UCN3: variants seen among roughly 807,000 people sequenced by gnomAD.
UCN3 encodes urocortin 3.
UCN3 carries 3 observed loss-of-function variants against 3.6 expected under a neutral mutation model. The observed-to-expected ratio is 0.83, with a 90% CI of 0.38 to 2.15. The LOEUF is 2.15. UCN3 is among the 30% of genes most tolerant of loss of function. The pLI is 0.06. For synonymous variants in UCN3, 100 were observed against 93.2 expected (o/e 1.07, Z -0.42); for missense variants, 206 against 208.3 (o/e 0.99, Z 0.07).
rs1834106377 is a variant in UCN3 at position 5,365,400 on chromosome 10, C to A, written c.-7+170C>A. On this transcript the variant is annotated intron_variant, in intron 1 of 1. Transcript: ENST00000380433. The surrounding 1 kb of genome is among the most constrained non-coding windows in gnomAD (Gnocchi z 4.4). ...CCCCACCCAATCAGCAGAAATCAGC[C>A]CCAAAGGGACCAGGGGAAGTTTCTC... Among the ~76,000 whole-genome samples, 1 of 152,192 alleles carries A rather than the reference C, an allele frequency of 6.6e-6. No individual in the cohort carries two copies. The highest frequency in any genetic ancestry group is 1.5e-5 in the Non-Finnish European group (1 of 68,036).
In UCN3 at chr10:5,370,589, A is replaced by G. The variant is rs1202787405; in HGVS notation, c.-6-3126A>G. 6.3e-5 allele frequency among the ~76,000 whole-genome samples: 5 copies of G among 79,304 alleles called. 1 individual carries two copies. Among genetic ancestry groups the G allele is most frequent in the Non-Finnish European group, 9.6e-5 (4 of 41,534 alleles). The allele number at this position is 79,304 out of a possible 152,430, so 52.0% of individuals were successfully genotyped here. On this transcript the variant is annotated intron_variant, in intron 1 of 1. Transcript: ENST00000380433. ...TGTATATGCGTGTATATGTGTGTATATGTGTGTGTGTATGCGTGTGTATAT... is the reference window on the plus strand; with the variant it reads ...TGTATATGCGTGTATATGTGTGTATGTGTGTGTGTGTATGCGTGTGTATAT...
At chr10:5,368,965 C>T (rs1455838462) in intron 1 of UCN3, among the ~76,000 whole-genome samples, 1 of 152,138 alleles carries the variant, frequency 6.6e-6, no homozygotes, top group Non-Finnish European at 1.5e-5. Flanking sequence ...ATCAGCATCA[C>T]GTGGGACTGT....
intron 1 of UCN3, among the ~76,000 whole-genome samples, chr10:5,370,371 GTA>G (rs1338199942): frequency 2.9e-5 from 2 of 68,512 alleles, no homozygotes; most frequent in African/African-American, 8.9e-5. Context: ...ATATGCGTGT[GTA>G]TATGCGTGTA....
intron 1 of UCN3, among the ~76,000 whole-genome samples, chr10:5,368,680 C>T (rs1831288606): frequency 6.6e-6 from 1 of 152,166 alleles, no homozygotes; most frequent in African/African-American, 2.4e-5. Context: ...GCAAGCCATT[C>T]GAAATAATTT....
Position 5,367,502 on chromosome 10 carries a change from T to C in UCN3, c.-7+2272T>C, listed in dbSNP as rs575949588. ...ATTCAACAAATATTGATTGAGAATATGATTTAGTATAAGGCACTATTGGCC... is the reference window on the plus strand; with the variant it reads ...ATTCAACAAATATTGATTGAGAATACGATTTAGTATAAGGCACTATTGGCC... On this transcript the variant is annotated intron_variant, in intron 1 of 1. Coordinates refer to ENST00000380433, the MANE Select transcript of UCN3 (RefSeq NM_053049.4). The surrounding 1 kb of genome is among the most constrained non-coding windows in gnomAD (Gnocchi z 4.3). 1.3e-5 allele frequency among the ~76,000 whole-genome samples: 2 copies of C among 152,334 alleles called. No homozygotes were observed. Among genetic ancestry groups the C allele is most frequent in the African/African-American group, 4.8e-5 (2 of 41,578 alleles).
intron 1 of UCN3, among the ~76,000 whole-genome samples, chr10:5,370,201 A>G (rs150604453): frequency 0.22 from 1,421 of 6,552 alleles, 399 homozygotes; most frequent in African/African-American, 0.49. Flanking sequence ...GCGTGTGTAT[A>G]TGCGTGTGTA....
rs868919154 is a variant in UCN3, at chr10:5,370,638, T to C, written c.-6-3077T>C. On this transcript the variant is annotated intron_variant, in intron 1 of 1. Transcript: ENST00000380433. Reference sequence around the variant, plus strand: ...ATGCGTGTATATGCGTGTGTATGTGTGTGTATATGTGTGTGTATGTGTGTG... The same window carrying C: ...ATGCGTGTATATGCGTGTGTATGTGCGTGTATATGTGTGTGTATGTGTGTG... Among the ~76,000 whole-genome samples, 15 of 92,156 alleles carry C rather than the reference T, an allele frequency of 1.6e-4. 1 individual carries two copies. The highest frequency in any genetic ancestry group is 3.1e-4 in the African/African-American group (6 of 19,344). The allele number at this position is 92,156 out of a possible 152,430, so 60.5% of individuals were successfully genotyped here.
chr10:5,369,050 T>C (rs112035335), intron 1 of UCN3, among the ~76,000 whole-genome samples: 2,017 of 152,264 alleles, frequency 0.013, 41 homozygotes, highest in African/African-American at 0.041. Flanking sequence ...CCGCAGGCTG[T>C]GTTTGAACCG....
In UCN3 at chr10:5,370,920, C is replaced by CGTGTGTTTATGTGTGTGTTTATGT. The variant is rs200495765; in HGVS notation, c.-6-2789_-6-2788insTTATGTGTGTGTTTATGTGTGTGT. Among the ~76,000 whole-genome samples the CGTGTGTTTATGTGTGTGTTTATGT allele has an allele frequency of 1.9e-3, 206 of 109,914 alleles. 3 individuals are homozygous for CGTGTGTTTATGTGTGTGTTTATGT. The highest frequency in any genetic ancestry group is 2.7e-3 in the Non-Finnish European group (144 of 53,884). The allele number at this position is 109,914 out of a possible 152,430, so 72.1% of individuals were successfully genotyped here. A position where few individuals can be genotyped will look rare whatever the true frequency, so the allele number is the denominator to read the frequency against. ...GCGTGTGTATATGCGTGTGTATATGCGTGTGTATATGTGTGTTCATGTGTA... is the reference window on the plus strand; with the variant it reads ...GCGTGTGTATATGCGTGTGTATATGCGTGTGTTTATGTGTGTGTTTATGTGTGTGTATATGTGTGTTCATGTGTA... On this transcript the variant is annotated intron_variant, in intron 1 of 1. Transcript: ENST00000380433.
In UCN3 at chr10:5,374,484, T is replaced by C; in HGVS notation, c.*278T>C. ...TTCCTCCCTGTACTCAGCGTCTCCTTCCTCCCTCCCCACAGCAAGAGGCAA... is the reference window on the plus strand; with the variant it reads ...TTCCTCCCTGTACTCAGCGTCTCCTCCCTCCCTCCCCACAGCAAGAGGCAA... On this transcript the variant is annotated 3_prime_UTR_variant, in exon 2 of 2. Transcript: ENST00000380433. 1 of 352,672 alleles carries C rather than the reference T, an allele frequency of 2.8e-6. No individual in the cohort carries two copies. Among genetic ancestry groups the C allele is most frequent in the Non-Finnish European group, 5.3e-6 (1 of 189,684 alleles). The allele number at this position is 352,672 out of a possible 1,614,324, so 21.8% of individuals were successfully genotyped here.
intron 1 of UCN3, 34 bp from the exon 2 acceptor site, chr10:5,373,681 A>T (rs377187964): frequency 1.9e-6 from 3 of 1,598,544 alleles, no homozygotes; most frequent in Non-Finnish European, 2.6e-6. Context: ...CGCCCCTCCC[A>T]TGCCCCTGCC....
rs797036973 is a variant in UCN3 at position 5,370,572 on chromosome 10, C to T, written c.-6-3143C>T. On this transcript the variant is annotated intron_variant, in intron 1 of 1. Transcript: ENST00000380433. ...ATGTGTGTATATGTGTGTGTATATG[C>T]GTGTATATGTGTGTATATGTGTGTG... 3.5e-3 allele frequency among the ~76,000 whole-genome samples: 65 copies of T among 18,704 alleles called. 2 individuals carry two copies. The highest frequency in any genetic ancestry group is 0.011 in the East Asian group (4 of 360). The allele number at this position is 18,704 out of a possible 152,430, so 12.3% of individuals were successfully genotyped here.
At position 5,370,663 on chromosome 10, in the gene UCN3, GTA is replaced by G. The variant is rs1178450359; in HGVS notation, c.-6-3050_-6-3049del. Among the ~76,000 whole-genome samples the G allele has an allele frequency of 1.1e-3, 63 of 57,734 alleles. 3 individuals are homozygous for G. The highest frequency in any genetic ancestry group is 3.5e-3 in the South Asian group (4 of 1,156). The allele number at this position is 57,734 out of a possible 152,430, so 37.9% of individuals were successfully genotyped here. ...TGTGTATATGTGTGTGTATGTGTGTGTATGTGTGTGTATGTGTGTGTGTATGT... is the reference window on the plus strand; with the variant it reads ...TGTGTATATGTGTGTGTATGTGTGTGTGTGTGTGTATGTGTGTGTGTATGT... On this transcript the variant is annotated intron_variant, in intron 1 of 1. Coordinates refer to ENST00000380433, the MANE Select transcript of UCN3 (RefSeq NM_053049.4).
At chr10:5,370,407 A>C (rs879983139) in intron 1 of UCN3, among the ~76,000 whole-genome samples, 2 of 26,542 alleles carry the variant, frequency 7.5e-5, no homozygotes, top group Non-Finnish European at 1.4e-4. Flanking sequence ...ATGTGTGTGT[A>C]TATGTGTGTG....
At chr10:5,370,461 GTGTGTATATGCGTGTGTATATGTGTGTA>G (rs1831367027) in intron 1 of UCN3, among the ~76,000 whole-genome samples, 2 of 107,362 alleles carry the variant, frequency 1.9e-5, no homozygotes, top group South Asian at 4.5e-4. Context: ...GTGTGTATAT[GTGTGTATATGCGTGTGTATATGTGTGTA>G]TGTGTGTGTA....
chr10:5,370,354 T>TGTGTATATGC (rs1831357877), intron 1 of UCN3, among the ~76,000 whole-genome samples: 1 of 21,958 alleles, frequency 4.6e-5, no homozygotes. Context: ...TGTGTATATG[T>TGTGTATATGC]GTGTGTATAT....
In UCN3 at chr10:5,370,362, TATGC is replaced by T. The variant is rs1264386970; in HGVS notation, c.-6-3352_-6-3349del. Among the ~76,000 whole-genome samples the T allele has an allele frequency of 2.1e-3, 154 of 72,460 alleles. 37 individuals carry two copies. The highest frequency in any genetic ancestry group is 3.2e-3 in the Non-Finnish European group (125 of 39,616). The allele number at this position is 72,460 out of a possible 152,430, so 47.5% of individuals were successfully genotyped here. On this transcript the variant is annotated intron_variant, in intron 1 of 1. Coordinates refer to ENST00000380433, the MANE Select transcript of UCN3 (RefSeq NM_053049.4). ...ATATGCGTGTGTATATGTGTGTGTA[TATGC>T]GTGTGTATATGCGTGTATATGCGTG... is the stretch of plus-strand genomic sequence containing the variant.
At chr10:5,370,144 C>T (rs199981954) in intron 1 of UCN3, among the ~76,000 whole-genome samples, 820 of 8,258 alleles carry the variant, frequency 0.099, 75 homozygotes, top group Middle Eastern at 0.14. Flanking sequence ...TGTGTGTATG[C>T]GTGTGTATAT....
chr10:5,370,200 TATGC>T (rs1554811141), intron 1 of UCN3, among the ~76,000 whole-genome samples: 3 of 55,410 alleles, frequency 5.4e-5, no homozygotes, highest in African/African-American at 1.9e-4. Context: ...TGCGTGTGTA[TATGC>T]GTGTGTATGT....
Sources: allele counts gnomAD v4.1 joint callset (sites outside exome capture counted in the v4.1 genomes callset), GRCh38; gene constraint gnomAD v4.1.1; non-coding constraint Gnocchi (gnomAD v3.1); transcripts MANE v1.5; gene names NCBI Gene and HGNC (gene_info 2026-07-23, HGNC 2026-07-21).